TUSC3: variants seen among roughly 807,000 people sequenced by gnomAD.
The protein encoded by TUSC3 is dolichyl-diphosphooligosaccharide--protein glycosyltransferase subunit TUSC3.
In TUSC3, 45 loss-of-function variants were observed where a neutral mutation model predicts 44.8. The ratio of observed to expected loss-of-function variants is 1.00; its 90% CI spans 0.79 to 1.29. The LOEUF is 1.29. TUSC3 is among the 50% of genes most tolerant of loss of function. The probability of loss-of-function intolerance (pLI) is 0.00; values close to 1 mark genes in which losing one functional copy is unlikely to be tolerated. For missense variants in TUSC3, 519 were observed against 437.9 expected (o/e 1.19, Z -1.65); for synonymous variants, 212 against 152.9 (o/e 1.39, Z -2.85).
intron 1 of TUSC3, among the ~76,000 whole-genome samples, chr8:15,612,423 T>C (rs10503547): frequency 0.19 from 29,607 of 152,122 alleles, 2,871 homozygotes; most frequent in South Asian, 0.27. Context: ...GAATGAACCA[T>C]TGTATTACGT....
intron 8 of TUSC3, among the ~76,000 whole-genome samples, chr8:15,747,681 T>C (rs1811480045): frequency 6.6e-6 from 1 of 152,078 alleles, no homozygotes; most frequent in Non-Finnish European, 1.5e-5. Flanking sequence ...ATTTTCAGCT[T>C]TCCTGGGACA....
intron 1 of TUSC3, among the ~76,000 whole-genome samples, chr8:15,615,693 A>G (rs760283354): frequency 4.6e-5 from 7 of 152,206 alleles, no homozygotes; most frequent in Non-Finnish European, 1.0e-4. Flanking sequence ...TTAAATCATT[A>G]CATATTGTAT....
chr8:15,517,477 G>A (rs1801233474), intron 2 of TUSC3, among the ~76,000 whole-genome samples: 2 of 116,652 alleles, frequency 1.7e-5, no homozygotes, highest in Admixed American at 1.2e-4. Context: ...AATAATGACT[G>A]AAAATCTAAA....
intron 1 of TUSC3, among the ~76,000 whole-genome samples, chr8:15,610,312 T>C (rs1418029795): frequency 6.6e-6 from 1 of 152,108 alleles, no homozygotes; most frequent in Admixed American, 6.5e-5. Context: ...GCTGATAAAA[T>C]TAAGGTATAG....
chr8:15,758,343 C>T (rs929145783), intron 10 of TUSC3: 28 of 633,054 alleles, frequency 4.4e-5, no homozygotes, highest in African/African-American at 6.0e-5. Context: ...ATAGTAGGTA[C>T]TTTATTTATA....
chr8:15,633,893 CACCTTTT>C (rs1266415731), intron 2 of TUSC3, among the ~76,000 whole-genome samples: 2 of 152,094 alleles, frequency 1.3e-5, no homozygotes, highest in African/African-American at 4.8e-5. Context: ...ACTGATACAC[CACCTTTT>C]ACCTACTGGA....
chr8:15,634,005 C>T (rs1016031552), intron 2 of TUSC3, among the ~76,000 whole-genome samples: 1 of 152,180 alleles, frequency 6.6e-6, no homozygotes. Context: ...TGAAGGCTAG[C>T]CTCATTTCAG....
rs778870926 is a variant in TUSC3, at chr8:15,748,412, C to G, written c.975C>G (p.Phe325Leu). 6.2e-7 allele frequency: 1 copy of G among 1,613,460 alleles called. No individual in the cohort carries two copies. Among genetic ancestry groups the G allele is most frequent in the Non-Finnish European group, 8.5e-7 (1 of 1,179,582 alleles). The change falls in exon 9 of 11, where the codon TTC becomes TTG. Residue 325 changes from phenylalanine (F) to leucine (L), a missense_variant. By Grantham distance (22) the Phe-to-Leu change is conservative. Coordinates refer to ENST00000503731, the MANE Select transcript of TUSC3 (RefSeq NM_006765.4). ...CLVGLGLVVFFFSFLLSIFRS... is the reference protein window; with the variant it reads ...CLVGLGLVVFLFSFLLSIFRS... ...TGGGATTGGGCCTGGTGGTCTTCTT[C>G]TTCAGTTTTCTACTTTCAATATTTC...
intron 6 of TUSC3, among the ~76,000 whole-genome samples, chr8:15,728,434 T>C (rs1255700959): frequency 7.2e-6 from 1 of 138,800 alleles, no homozygotes; most frequent in Non-Finnish European, 1.5e-5. Context: ...CAGTATTTTC[T>C]GAATGATTGG....
At chr8:15,627,478 C>G (rs1478125807) in intron 2 of TUSC3, among the ~76,000 whole-genome samples, 1 of 152,218 alleles carries the variant, frequency 6.6e-6, no homozygotes, top group Non-Finnish European at 1.5e-5. Context: ...TGCCAAATGG[C>G]AAGGCTAAAA....
At chr8:15,550,997 T>C (rs1802043738) in intron 1 of TUSC3, among the ~76,000 whole-genome samples, 2 of 151,752 alleles carry the variant, frequency 1.3e-5, no homozygotes, top group Non-Finnish European at 2.9e-5. Flanking sequence ...CTTGTAAAAA[T>C]TCTAGATAAA....
At chr8:15,730,595 T>A in intron 6 of TUSC3, 71 bp from the exon 7 acceptor site, 1 of 1,465,742 alleles carries the variant, frequency 6.8e-7, no homozygotes, top group Non-Finnish European at 9.5e-7. Context: ...TTGTTTATCT[T>A]CATGACTTAA....
chr8:15,749,293 C>T (rs1337996764), intron 9 of TUSC3, among the ~76,000 whole-genome samples: 2 of 152,072 alleles, frequency 1.3e-5, no homozygotes, highest in Non-Finnish European at 2.9e-5. Context: ...ACATTTCTTC[C>T]ACCTGTGAGC....
At chr8:15,525,195 C>A (rs571684940) in intron 2 of TUSC3, among the ~76,000 whole-genome samples, 2 of 152,308 alleles carry the variant, frequency 1.3e-5, no homozygotes, top group African/African-American at 4.8e-5. Flanking sequence ...TTGGCCACTT[C>A]TTGATCTCTA....
At chr8:15,847,348 C>A in the TUSC3 span, among the ~76,000 whole-genome samples, 18 of 152,158 alleles carry the variant, frequency 1.2e-4, no homozygotes, top group Non-Finnish European at 1.8e-4. Context: ...AGACACGGTA[C>A]ATGATTCCTC....
intron 6 of TUSC3, among the ~76,000 whole-genome samples, chr8:15,702,958 C>T (rs979212322): frequency 3.3e-5 from 5 of 152,094 alleles, no homozygotes; most frequent in African/African-American, 9.7e-5. Context: ...AAGAAGTATA[C>T]TGTCCCAGTT....
At chr8:15,644,505 G>A (rs970135168) in intron 2 of TUSC3, among the ~76,000 whole-genome samples, 2 of 152,126 alleles carry the variant, frequency 1.3e-5, no homozygotes, top group Admixed American at 6.5e-5. Flanking sequence ...ATAAGCTTTC[G>A]TAATGTCTCA....
At chr8:15,684,008 C>A (rs1242874104) in intron 6 of TUSC3, among the ~76,000 whole-genome samples, 1 of 152,096 alleles carries the variant, frequency 6.6e-6, no homozygotes, top group Non-Finnish European at 1.5e-5. Context: ...AGAGTGCAGT[C>A]CACCAGCTGA....
At chr8:15,437,854 T>A (rs888073486) in intron 1 of TUSC3, among the ~76,000 whole-genome samples, 3 of 152,150 alleles carry the variant, frequency 2.0e-5, no homozygotes, top group Admixed American at 1.3e-4. Flanking sequence ...TCTATTAAAT[T>A]CACCTCTGCT....
Sources: allele counts gnomAD v4.1 joint callset (sites outside exome capture counted in the v4.1 genomes callset), GRCh38; gene constraint gnomAD v4.1.1; transcripts MANE v1.5; gene names NCBI Gene and HGNC (gene_info 2026-07-23, HGNC 2026-07-21).